ANKH: variants seen among roughly 807,000 people sequenced by gnomAD.
The protein encoded by ANKH is ANKH inorganic pyrophosphate transport regulator, also known as mineralization regulator ANKH.
ANKH carries 15 observed loss-of-function variants against 49.0 expected under a neutral mutation model. The observed-to-expected ratio is 0.31, with a 90% CI of 0.20 to 0.47. ANKH has a LOEUF of 0.47. Among genes scored for constraint, ANKH ranks in the 20% least tolerant of loss-of-function variants. The pLI is 1.00. For missense variants in ANKH, 429 were observed against 652.0 expected (o/e 0.66, Z 3.72); for synonymous variants, 273 against 260.0 (o/e 1.05, Z -0.48).
intron 8 of ANKH, among the ~76,000 whole-genome samples, chr5:14,719,943 T>C (rs1338308810): frequency 6.6e-6 from 1 of 152,222 alleles, no homozygotes; most frequent in African/African-American, 2.4e-5. Flanking sequence ...TTATCTCCTT[T>C]TCTTAAAATG....
chr5:14,868,339 C>T (rs1324470507), intron 1 of ANKH: 1 of 150,588 alleles, frequency 6.6e-6, no homozygotes, highest in Non-Finnish European at 1.5e-5. Context: ...TTGTTTTGTT[C>T]TTGACAAGCC....
chr5:14,707,516 GGA>G lies in ANKH; in HGVS notation c.*3679_*3680del, dbSNP rs1425903917. The G allele has an allele frequency of 6.6e-6, 1 of 152,188 alleles. No homozygotes were observed. Among genetic ancestry groups the G allele is most frequent in the Non-Finnish European group, 1.5e-5 (1 of 68,030 alleles). 9.4% of individuals were successfully genotyped at this position (152,188 alleles called of 1,614,324 possible). A position where few individuals can be genotyped will look rare whatever the true frequency, so the allele number is the denominator to read the frequency against. On this transcript the variant is annotated 3_prime_UTR_variant, in exon 12 of 12. Transcript: ENST00000284268. ...CGATATGTAATGATTATTCCAACCA[GGA>G]GAGAGATCCAGAGGGCTGGGAGTGA...
At chr5:14,724,961 T>C (rs1296977050) in intron 8 of ANKH, among the ~76,000 whole-genome samples, 1 of 152,148 alleles carries the variant, frequency 6.6e-6, no homozygotes, top group African/African-American at 2.4e-5. Context: ...TCCCTGCAGT[T>C]AGAAAAAGTC....
In ANKH at chr5:14,711,260, C is replaced by T. The variant is rs774173049; in HGVS notation, c.1416G>A (p.Met472Ile). 6.2e-7 allele frequency: 1 copy of T among 1,614,184 alleles called. No individual in the cohort carries two copies. The highest frequency in any genetic ancestry group is 8.5e-7 in the Non-Finnish European group (1 of 1,180,034). Residue 472 changes from methionine (M) to isoleucine (I), a missense_variant, in exon 12 of 12, where the codon ATG becomes ATA. Physicochemically the swap from Met to Ile is conservative, Grantham distance 10 (BLOSUM62 1). Around this residue, in one of 2 missense-constraint regions of ANKH, gnomAD observed 51 missense variants for 36.7 expected, o/e 1.39. Transcript: ENST00000284268. ...ESATEGEDSA[M>I]TDMPPTEEVT... ...CCTCCTCTGTCGGAGGCATGTCTGT[C>T]ATGGCAGAGTCTTCCCCCTCCGTGG...
At chr5:14,820,116 G>T (rs1580093650) in intron 1 of ANKH, among the ~76,000 whole-genome samples, 1 of 152,234 alleles carries the variant, frequency 6.6e-6, no homozygotes, top group Middle Eastern at 3.4e-3. Flanking sequence ...TTTTAGGCCA[G>T]ATTTTGTACT....
intron 9 of ANKH, among the ~76,000 whole-genome samples, chr5:14,714,391 T>G (rs1737363933): frequency 6.6e-6 from 1 of 152,218 alleles, no homozygotes; most frequent in South Asian, 2.1e-4. Context: ...CCTGAGCATC[T>G]AGATTCCATC....
At chr5:14,723,595 C>T (rs748365265) in intron 8 of ANKH, among the ~76,000 whole-genome samples, 13 of 151,952 alleles carry the variant, frequency 8.6e-5, no homozygotes, top group East Asian at 1.9e-4. Flanking sequence ...GCCAAGATTG[C>T]GCCACTGTAC....
rs1432093801 is a variant in ANKH, at chr5:14,749,203, C to T, written c.791G>A (p.Arg264Gln). 2 of 1,614,028 alleles carry T rather than the reference C, an allele frequency of 1.2e-6. No homozygotes were observed. Among genetic ancestry groups the T allele is most frequent in the Non-Finnish European group, 1.7e-6 (2 of 1,179,946 alleles). Residue 264 changes from arginine (R) to glutamine (Q), a missense_variant, in exon 6 of 12, where the codon CGG becomes CAG. By Grantham distance (43) the Arg-to-Gln change is conservative. Around this residue, in one of 2 missense-constraint regions of ANKH, gnomAD observed 378 missense variants for 615.3 expected, o/e 0.61. Coordinates refer to ENST00000284268, the MANE Select transcript of ANKH (RefSeq NM_054027.6). ...SRPIVNLFVSRDLGGSSAATE... is the reference protein window; with the variant it reads ...SRPIVNLFVSQDLGGSSAATE... ...GGCTGCAGAACTGCCACCAAGGTCCCGGGAAACAAAGAGGTTGACAATAGG... is the reference window on the plus strand; with the variant it reads ...GGCTGCAGAACTGCCACCAAGGTCCTGGGAAACAAAGAGGTTGACAATAGG...
intron 1 of ANKH, among the ~76,000 whole-genome samples, chr5:14,807,368 G>C (rs1327766809): frequency 6.6e-6 from 1 of 152,010 alleles, no homozygotes; most frequent in Non-Finnish European, 1.5e-5. Flanking sequence ...ACCCGCCTTG[G>C]CCTCCCAAAG....
intron 11 of ANKH, among the ~76,000 whole-genome samples, chr5:14,711,979 C>G (rs997457223): frequency 1.3e-5 from 2 of 152,262 alleles, no homozygotes; most frequent in Non-Finnish European, 2.9e-5. Flanking sequence ...ACGGATCCCA[C>G]CAACCCTTCA....
At chr5:14,793,221 C>A (rs1187381228) in intron 1 of ANKH, among the ~76,000 whole-genome samples, 1 of 150,876 alleles carries the variant, frequency 6.6e-6, no homozygotes, top group Non-Finnish European at 1.5e-5. Context: ...CAGAGCCAGG[C>A]TGCCTTGGAC....
At chr5:14,860,781 G>A (rs1181617090) in intron 1 of ANKH, among the ~76,000 whole-genome samples, 2 of 152,048 alleles carry the variant, frequency 1.3e-5, no homozygotes, top group South Asian at 2.1e-4. Flanking sequence ...TTTATTTTGA[G>A]ATGGAGTCTT....
chr5:14,744,934 A>C (rs1738485822), intron 7 of ANKH, among the ~76,000 whole-genome samples: 1 of 152,170 alleles, frequency 6.6e-6, no homozygotes, highest in Non-Finnish European at 1.5e-5. Flanking sequence ...GGTGGGGGAA[A>C]GAGGGAGGGG....
In ANKH at chr5:14,713,334, T is replaced by C. The variant is rs529950388; in HGVS notation, c.1265+210A>G. 1.2e-4 allele frequency among the ~76,000 whole-genome samples: 19 copies of C among 152,306 alleles called. No homozygotes were observed. The South Asian group carries it at 3.7e-3, about 30-fold the overall frequency. On this transcript the variant is annotated intron_variant, in intron 10 of 11. Coordinates refer to ENST00000284268, the MANE Select transcript of ANKH (RefSeq NM_054027.6). This position sits in a 1 kb window ranked among gnomAD's most constrained non-coding sequence, Gnocchi z 4.4. ...CCTGACAGGAGCTCAGTGGCTATTA[T>C]TCGTGTCTGGGCCTGATTTCAAAAG...
chr5:14,729,088 C>G (rs1737913394), intron 8 of ANKH, among the ~76,000 whole-genome samples: 1 of 152,040 alleles, frequency 6.6e-6, no homozygotes, highest in African/African-American at 2.4e-5. Context: ...CAGTCTTGCT[C>G]TGTCAGCCAG....
At chr5:14,768,703 C>T (rs1010982710) in intron 2 of ANKH, 2 of 534,756 alleles carry the variant, frequency 3.7e-6, no homozygotes, top group African/African-American at 3.8e-5. Context: ...ATTGGCCTTA[C>T]CAAATGTTAT....
At chr5:14,739,928 A>G (rs1269807994) in intron 8 of ANKH, among the ~76,000 whole-genome samples, 2 of 152,208 alleles carry the variant, frequency 1.3e-5, no homozygotes, top group African/African-American at 4.8e-5. Context: ...ATAATAAATA[A>G]AGCCTCTACC....
chr5:14,761,162 G>A (rs1217403984), intron 2 of ANKH, among the ~76,000 whole-genome samples: 1 of 152,166 alleles, frequency 6.6e-6, no homozygotes, highest in South Asian at 2.1e-4. Flanking sequence ...CTAGGGGAGA[G>A]GCCTAGATGA....
intron 1 of ANKH, among the ~76,000 whole-genome samples, chr5:14,815,784 G>C (rs992762004): frequency 6.6e-6 from 1 of 152,242 alleles, no homozygotes; most frequent in African/African-American, 2.4e-5. Flanking sequence ...CAGGAGCACA[G>C]AGGCATTGGC....
Sources: gnomAD v4.1 joint callset for allele counts (sites outside exome capture counted in the v4.1 genomes callset) on GRCh38, gnomAD v4.1.1 for gene constraint, gnomAD v4.1.1 regional missense constraint, Gnocchi (gnomAD v3.1) non-coding constraint, MANE v1.5 for transcripts, NCBI Gene and HGNC (gene_info 2026-07-23, HGNC 2026-07-21) for gene names.